MAST4: variants seen among roughly 807,000 people sequenced by gnomAD.
The protein encoded by MAST4 is microtubule associated serine/threonine kinase family member 4, also known as microtubule-associated serine/threonine-protein kinase 4.
A neutral mutation model predicts 162.7 loss-of-function variants in MAST4; 89 were observed. The ratio of observed to expected loss-of-function variants is 0.55; its 90% CI spans 0.46 to 0.65. The LOEUF (loss-of-function observed/expected upper bound fraction) is 0.65. Ranked by LOEUF, MAST4 falls within the 30% of genes least tolerant of loss-of-function variation. The probability of loss-of-function intolerance (pLI) is 0.00; values close to 1 mark genes in which losing one functional copy is unlikely to be tolerated. For missense variants in MAST4, 3,153 were observed against 3,374.0 expected (o/e 0.93, Z 1.62); for synonymous variants, 1,479 against 1,361.1 (o/e 1.09, Z -1.91).
intron 3 of MAST4, among the ~76,000 whole-genome samples, chr5:66,809,013 T>C (rs1484984182): frequency 1.3e-5 from 2 of 152,214 alleles, no homozygotes; most frequent in Admixed American, 1.3e-4. Context: ...ACTTAAAAAA[T>C]GAGACCTAGA....
chr5:66,994,766 G>A (rs1334184031), intron 4 of MAST4, among the ~76,000 whole-genome samples: 1 of 152,188 alleles, frequency 6.6e-6, no homozygotes, highest in Non-Finnish European at 1.5e-5. Context: ...TTTGGAGAAA[G>A]GAGGAAGTAA....
At chr5:66,952,869 C>G (rs1052711162) in intron 4 of MAST4, among the ~76,000 whole-genome samples, 2 of 152,174 alleles carry the variant, frequency 1.3e-5, no homozygotes, top group Admixed American at 6.5e-5. Flanking sequence ...TGTTCCCTGA[C>G]CCACTGCCCA....
intron 1 of MAST4, among the ~76,000 whole-genome samples, chr5:66,703,248 C>T (rs745923355): frequency 6.6e-6 from 1 of 152,088 alleles, no homozygotes; most frequent in Non-Finnish European, 1.5e-5. Context: ...AAGAAGATGA[C>T]GCTGACATGA....
intron 3 of MAST4, among the ~76,000 whole-genome samples, chr5:66,841,005 T>A (rs939196330): frequency 6.6e-6 from 1 of 152,214 alleles, no homozygotes; most frequent in Admixed American, 6.6e-5. Context: ...TCTGTTTGAA[T>A]GTTGGCCCAC....
At chr5:66,779,461 A>C (rs1754753001) in intron 2 of MAST4, among the ~76,000 whole-genome samples, 1 of 145,876 alleles carries the variant, frequency 6.9e-6, no homozygotes, top group South Asian at 2.1e-4. Flanking sequence ...GAACTTCTGC[A>C]CTTTCTGGTC....
At position 66,824,892 on chromosome 5, in the gene MAST4, A is replaced by G. The variant is rs532914073; in HGVS notation, c.642+36098A>G. ...AATATAAAAGATATTTTATATCTGTATAGGGCACATATGAATGGAGCTTGC... is the reference window on the plus strand; with the variant it reads ...AATATAAAAGATATTTTATATCTGTGTAGGGCACATATGAATGGAGCTTGC... On this transcript the variant is annotated intron_variant, in intron 3 of 28. Coordinates refer to ENST00000403625, the MANE Select transcript of MAST4 (RefSeq NM_001164664.2). Among the ~76,000 whole-genome samples, 11 of 152,362 alleles carry G rather than the reference A, an allele frequency of 7.2e-5. No individual in the cohort carries two copies. The South Asian group carries it at 1.7e-3, about 23-fold the overall frequency.
At chr5:66,911,947 T>G (rs544821100) in intron 4 of MAST4, among the ~76,000 whole-genome samples, 14 of 152,206 alleles carry the variant, frequency 9.2e-5, no homozygotes, top group Non-Finnish European at 1.8e-4. Context: ...TTGGTAACTT[T>G]AGCGTCGAGT....
At chr5:66,900,636 T>C (rs1461559816) in intron 4 of MAST4, among the ~76,000 whole-genome samples, 3 of 152,114 alleles carry the variant, frequency 2.0e-5, no homozygotes, top group South Asian at 4.1e-4. Context: ...TATCCAATAG[T>C]ACTGTGTAAG....
intron 16 of MAST4, among the ~76,000 whole-genome samples, chr5:67,133,286 GA>G (rs1488440249): frequency 3.3e-5 from 5 of 151,944 alleles, no homozygotes; most frequent in African/African-American, 1.2e-4. Flanking sequence ...CTCCAACAAA[GA>G]TTAGCTACAC....
At chr5:66,708,097 G>A (rs536714526) in intron 1 of MAST4, among the ~76,000 whole-genome samples, 1 of 152,306 alleles carries the variant, frequency 6.6e-6, no homozygotes, top group Admixed American at 6.5e-5. Context: ...ACTTTTCTGA[G>A]TGTGCAACAC....
At chr5:66,704,235 A>C (rs1206581466) in intron 1 of MAST4, among the ~76,000 whole-genome samples, 1 of 152,178 alleles carries the variant, frequency 6.6e-6, no homozygotes, top group African/African-American at 2.4e-5. Context: ...TGTTCATCAG[A>C]AAAATAGCTG....
At chr5:66,711,270 G>A (rs1750480814) in intron 1 of MAST4, among the ~76,000 whole-genome samples, 2 of 152,194 alleles carry the variant, frequency 1.3e-5, no homozygotes, top group Admixed American at 1.3e-4. Flanking sequence ...GGCAGTACAA[G>A]CTACTTCTTT....
chr5:67,054,239 A>G (rs1250338772), intron 4 of MAST4, among the ~76,000 whole-genome samples, 165 bp from the exon 5 acceptor site: 2 of 152,258 alleles, frequency 1.3e-5, no homozygotes, highest in Non-Finnish European at 2.9e-5. Context: ...CTAATATTCA[A>G]GAGGTAGCCA....
At chr5:67,115,989 T>A (rs549470676) in intron 12 of MAST4, among the ~76,000 whole-genome samples, 41 of 152,298 alleles carry the variant, frequency 2.7e-4, no homozygotes, top group Non-Finnish European at 4.7e-4. Context: ...GTGGACCCAG[T>A]GAGTTCTTTA....
chr5:66,849,883 T>C (rs991226223), intron 3 of MAST4, among the ~76,000 whole-genome samples: 3 of 152,200 alleles, frequency 2.0e-5, no homozygotes, highest in African/African-American at 7.2e-5. Context: ...TATAATTTGA[T>C]AAAAGCTGTG....
At chr5:66,879,623 C>A (rs1206254995) in intron 3 of MAST4, among the ~76,000 whole-genome samples, 1 of 152,162 alleles carries the variant, frequency 6.6e-6, no homozygotes, top group Non-Finnish European at 1.5e-5. Flanking sequence ...GGTGATCCTC[C>A]CAAGTCAGCC....
At chr5:66,633,394 G>A (rs774844293) in intron 1 of MAST4, among the ~76,000 whole-genome samples, 1 of 152,172 alleles carries the variant, frequency 6.6e-6, no homozygotes. Flanking sequence ...GTGTTACAGG[G>A]TGTACAACTG....
chr5:67,046,109 G>A (rs1181237422), intron 4 of MAST4, among the ~76,000 whole-genome samples: 1 of 152,128 alleles, frequency 6.6e-6, no homozygotes, highest in East Asian at 1.9e-4. Flanking sequence ...TGTAGCCTGG[G>A]GTCCATAGAC....
At chr5:66,601,100 T>TCCATA in intron 1 of MAST4, among the ~76,000 whole-genome samples, 1 of 152,234 alleles carries the variant, frequency 6.6e-6, no homozygotes, top group Non-Finnish European at 1.5e-5. Flanking sequence ...TTCCCACGTG[T>TCCATA]ACTAATGCAG....
Sources: gnomAD v4.1 joint callset for allele counts (sites outside exome capture counted in the v4.1 genomes callset) on GRCh38, gnomAD v4.1.1 for gene constraint, MANE v1.5 for transcripts, NCBI Gene and HGNC (gene_info 2026-07-23, HGNC 2026-07-21) for gene names.